HHIPL1: variants seen among roughly 807,000 people sequenced by gnomAD.
HHIPL1 encodes the protein HHIP-like protein 1.
Under a neutral mutation model 61.8 loss-of-function variants are expected in HHIPL1, and 43 were observed. The ratio of observed to expected loss-of-function variants is 0.70; its 90% CI spans 0.55 to 0.90. The LOEUF (loss-of-function observed/expected upper bound fraction) is 0.90, where lower values mean the gene tolerates loss of function less well. Ranked by LOEUF, HHIPL1 falls within the 40% of genes least tolerant of loss-of-function variation. HHIPL1 has a pLI of 0.00. For missense variants in HHIPL1, 1,056 were observed against 1,157.7 expected (o/e 0.91, Z 1.28); for synonymous variants, 482 against 515.8 (o/e 0.93, Z 0.89).
chr14:99,647,750 G>A (rs1299933319), intron 1 of HHIPL1, among the ~76,000 whole-genome samples: 1 of 152,198 alleles, frequency 6.6e-6, no homozygotes, highest in Non-Finnish European at 1.5e-5. Context: ...CGGGGAGGTG[G>A]TGGAGGTGCC....
the HHIPL1 span, among the ~76,000 whole-genome samples, chr14:99,615,545 GAAAGA>G: frequency 1.3e-5 from 2 of 150,232 alleles, no homozygotes; most frequent in East Asian, 1.9e-4. Context: ...CTCTGTGTCA[GAAAGA>G]AAAGAAAAGA....
the HHIPL1 span, among the ~76,000 whole-genome samples, chr14:99,624,303 A>G: frequency 6.6e-6 from 1 of 152,110 alleles, no homozygotes; most frequent in Non-Finnish European, 1.5e-5. Flanking sequence ...CCTGCTGCCA[A>G]TCAGCTCTGT....
chr14:99,615,042 G>A, the HHIPL1 span, among the ~76,000 whole-genome samples: 4 of 152,020 alleles, frequency 2.6e-5, no homozygotes, highest in East Asian at 1.9e-4. Context: ...CGTAGAGTGC[G>A]GAGAAAAGGA....
chr14:99,631,472 C>T, the HHIPL1 span, among the ~76,000 whole-genome samples: 1 of 152,154 alleles, frequency 6.6e-6, no homozygotes, highest in Non-Finnish European at 1.5e-5. Context: ...TGATCCCCTA[C>T]AGTCCTGGCC....
At position 99,675,424 on chromosome 14, in the gene HHIPL1, T is replaced by C. The variant is rs1197370298; in HGVS notation, c.2147T>C (p.Leu716Pro). Residue 716 changes from leucine to proline, a missense_variant, in exon 9 of 9, where the codon CTG (leucine) becomes CCG (proline). Leu to Pro is a moderately conservative substitution (Grantham distance 98). Transcript: ENST00000330710. The surrounding 1 kb of genome is among the most constrained non-coding windows in gnomAD (Gnocchi z 5.4). The stretch of plus-strand genomic sequence containing the variant: ...GGCGCCGCCGTCGTGTGTCGCCAGC[T>C]GGGGTTTGCCTACGCCGTGCGCGCC... ...ISGAAVVCRQ[L>P]GFAYAVRAVK... The C allele has an allele frequency of 6.5e-7, 1 of 1,533,336 alleles. No homozygotes were observed. The highest frequency in any genetic ancestry group is 8.7e-7 in the Non-Finnish European group (1 of 1,143,440). 95.0% of individuals were successfully genotyped at this position (1,533,336 alleles called of 1,614,324 possible). A position where few individuals can be genotyped will look rare whatever the true frequency, so the allele number is the denominator to read the frequency against.
At chr14:99,606,287 G>A in the HHIPL1 span, among the ~76,000 whole-genome samples, 1 of 152,202 alleles carries the variant, frequency 6.6e-6, no homozygotes, top group Admixed American at 6.5e-5. Flanking sequence ...GTCCAGCACA[G>A]CTCAGTTTGG....
the HHIPL1 span, among the ~76,000 whole-genome samples, chr14:99,638,039 A>C: frequency 1.3e-5 from 2 of 152,220 alleles, no homozygotes; most frequent in African/African-American, 4.8e-5. Flanking sequence ...GCACGGGTGA[A>C]GTCTGGTGGT....
chr14:99,661,403 A>G (rs1254830899), intron 5 of HHIPL1, among the ~76,000 whole-genome samples: 3 of 149,830 alleles, frequency 2.0e-5, no homozygotes, highest in African/African-American at 7.5e-5. Flanking sequence ...GAGAGAAAGA[A>G]AGAGAGAGAG....
At chr14:99,629,446 G>A in the HHIPL1 span, among the ~76,000 whole-genome samples, 4 of 152,180 alleles carry the variant, frequency 2.6e-5, no homozygotes, top group Non-Finnish European at 4.4e-5. Context: ...GGGAGGCGGG[G>A]GCAGGGGCGT....
At chr14:99,625,710 C>T in the HHIPL1 span, 13 of 152,260 alleles carry the variant, frequency 8.5e-5, no homozygotes, top group African/African-American at 2.4e-4. Context: ...AGTGGAGATT[C>T]GTTGATATGA....
At chr14:99,653,702 T>C (rs2055978688) in intron 2 of HHIPL1, among the ~76,000 whole-genome samples, 4 of 152,206 alleles carry the variant, frequency 2.6e-5, no homozygotes, top group Admixed American at 2.0e-4. Flanking sequence ...TCTGGGCTTT[T>C]GCTCCTCTCA....
chr14:99,661,603 G>A (rs1186650068), intron 5 of HHIPL1, among the ~76,000 whole-genome samples: 1 of 152,108 alleles, frequency 6.6e-6, no homozygotes, highest in Non-Finnish European at 1.5e-5. Flanking sequence ...GAATAGTTGA[G>A]ATTATAGGCA....
chr14:99,627,218 AT>A, the HHIPL1 span, among the ~76,000 whole-genome samples: 1 of 151,258 alleles, frequency 6.6e-6, no homozygotes, highest in East Asian at 2.0e-4. This position sits in a 1 kb window ranked among gnomAD's most constrained non-coding sequence, Gnocchi z 4.4. Flanking sequence ...CCATCCATCC[AT>A]CCATCCATCC....
the HHIPL1 span, among the ~76,000 whole-genome samples, chr14:99,639,913 G>A: frequency 6.6e-6 from 1 of 152,156 alleles, no homozygotes; most frequent in African/African-American, 2.4e-5. Flanking sequence ...TCCCACATCG[G>A]CCTCCCAAAG....
chr14:99,628,108 CAG>C, the HHIPL1 span, among the ~76,000 whole-genome samples: 27 of 152,252 alleles, frequency 1.8e-4, no homozygotes, highest in African/African-American at 6.5e-4. Context: ...GACCGAGGCC[CAG>C]AGAGAGGTGA....
rs763032494 is a variant in HHIPL1 at position 99,675,002 on chromosome 14, C to T, written c.1814-89C>T. 9.2e-4 allele frequency: 642 copies of T among 698,172 alleles called. 1 individual carries two copies. Among genetic ancestry groups the T allele is most frequent in the Non-Finnish European group, 1.1e-3 (595 of 547,218 alleles). The allele number at this position is 698,172 out of a possible 1,614,324, so 43.2% of individuals were successfully genotyped here. On this transcript the variant is annotated intron_variant, in intron 8 of 8. Transcript: ENST00000330710. This position sits in a 1 kb window ranked among gnomAD's most constrained non-coding sequence, Gnocchi z 5.4. ...CATCCTTCCCCGAGTCTGCGCTCTC[C>T]GCACAGGTTGCAGGGCAGCACAGGG... is the stretch of plus-strand genomic sequence containing the variant.
chr14:99,645,499 C>G (rs933986784), intron 1 of HHIPL1, 37 bp downstream of exon 1: 2 of 1,258,408 alleles, frequency 1.6e-6, no homozygotes, highest in Non-Finnish European at 2.0e-6. Flanking sequence ...GGGCGGGGCG[C>G]GGGAGGCCGA....
chr14:99,650,476 G>A (rs2055909712), intron 1 of HHIPL1, among the ~76,000 whole-genome samples: 1 of 152,256 alleles, frequency 6.6e-6, no homozygotes, highest in Non-Finnish European at 1.5e-5. Flanking sequence ...GAGGCCCGCA[G>A]ACAGCCTGGA....
At position 99,645,298 on chromosome 14, in the gene HHIPL1, C is replaced by T. The variant is rs922593098; in HGVS notation, c.91C>T (p.Arg31Trp). The T allele has an allele frequency of 2.1e-6, 3 of 1,449,898 alleles. No individual in the cohort carries two copies. Among genetic ancestry groups the T allele is most frequent in the East Asian group, 3.0e-5 (1 of 32,862 alleles). The allele number at this position is 1,449,898 out of a possible 1,614,324, so 89.8% of individuals were successfully genotyped here. ...PQCLDFRPPF[R>W]PTQPLRLCAQ... The stretch of plus-strand genomic sequence containing the variant: ...GTGCCTGGACTTCAGGCCGCCCTTC[C>T]GGCCGACGCAGCCGCTGCGCCTCTG... Residue 31 changes from arginine to tryptophan, a missense_variant, in exon 1 of 9, where the codon CGG (arginine) becomes TGG (tryptophan). Arg to Trp is a moderately radical substitution (Grantham distance 101, BLOSUM62 -3). Transcript: ENST00000330710.
Sources: allele counts gnomAD v4.1 joint callset (sites outside exome capture counted in the v4.1 genomes callset), GRCh38; gene constraint gnomAD v4.1.1; non-coding constraint Gnocchi (gnomAD v3.1); transcripts MANE v1.5; gene names NCBI Gene and HGNC (gene_info 2026-07-23, HGNC 2026-07-21).